The following EIF4G3 variants were observed in gnomAD, a reference collection of about 807,000 sequenced individuals.
The protein encoded by EIF4G3 is eukaryotic translation initiation factor 4 gamma 3, also known as eIF-4-gamma 3.
Under a neutral mutation model 186.4 loss-of-function variants are expected in EIF4G3, and 34 were observed. That is an observed-to-expected ratio of 0.18 (90% CI 0.14 to 0.24). The LOEUF is 0.24. Ranked by LOEUF, EIF4G3 falls within the 10% of genes least tolerant of loss-of-function variation. The pLI is 1.00. For synonymous variants in EIF4G3, 673 were observed against 679.5 expected (o/e 0.99, Z 0.15); for missense variants, 1,536 against 1,948.5 (o/e 0.79, Z 3.99).
chr1:20,974,111 A>C (rs1161491435), intron 10 of EIF4G3, among the ~76,000 whole-genome samples: 1 of 152,208 alleles, frequency 6.6e-6, no homozygotes, highest in African/African-American at 2.4e-5. Flanking sequence ...TCAAGAGTTC[A>C]GTTTTAGACA....
At chr1:20,990,395 C>A (rs746847875) in intron 7 of EIF4G3, among the ~76,000 whole-genome samples, 5 of 152,124 alleles carry the variant, frequency 3.3e-5, no homozygotes, top group Non-Finnish European at 7.4e-5. Flanking sequence ...TAATTACCAG[C>A]CGGGTGCGGT....
chr1:20,879,845 T>C (rs2081829874), intron 19 of EIF4G3, among the ~76,000 whole-genome samples: 1 of 152,146 alleles, frequency 6.6e-6, no homozygotes, highest in Non-Finnish European at 1.5e-5. Context: ...AACCAGTAAT[T>C]ACACTTTTAG....
At chr1:20,846,525 T>C (rs1295777449) in intron 29 of EIF4G3, among the ~76,000 whole-genome samples, 1 of 152,216 alleles carries the variant, frequency 6.6e-6, no homozygotes, top group African/African-American at 2.4e-5. Context: ...TCACATAATT[T>C]TAGTTTTTGG....
At chr1:20,877,984 C>A (rs1158297782) in intron 20 of EIF4G3, among the ~76,000 whole-genome samples, 3 of 152,158 alleles carry the variant, frequency 2.0e-5, no homozygotes, top group African/African-American at 7.2e-5. Flanking sequence ...GCTGGGATTA[C>A]AGGCGCACGC....
chr1:21,130,394 T>A (rs1573004119), intron 2 of EIF4G3, among the ~76,000 whole-genome samples: 1 of 151,692 alleles, frequency 6.6e-6, no homozygotes, highest in Non-Finnish European at 1.5e-5. Context: ...TCAGCTAATT[T>A]TTTTGTGTTT....
chr1:20,856,177 A>T (rs2074846173), intron 25 of EIF4G3, among the ~76,000 whole-genome samples: 1 of 152,222 alleles, frequency 6.6e-6, no homozygotes, highest in Non-Finnish European at 1.5e-5. Context: ...ATCCTAGCTA[A>T]TTACATTATT....
At position 21,106,145 on chromosome 1, in the gene EIF4G3, G is replaced by C. The variant is rs1023369076; in HGVS notation, c.-271-16932C>G. Among the ~76,000 whole-genome samples the C allele has an allele frequency of 3.9e-4, 59 of 151,190 alleles. 1 individual carries two copies. The highest frequency in any genetic ancestry group is 1.4e-3 in the African/African-American group (59 of 41,126). On this transcript the variant is annotated intron_variant, in intron 2 of 36. Coordinates refer to ENST00000602326, the MANE Select transcript of EIF4G3 (RefSeq NM_001391906.1). ...TTAGAGTTTGGAAATTTAAGCAGAA[G>C]CTACATCACTGAGAGGCTTGTAGGG...
intron 2 of EIF4G3, among the ~76,000 whole-genome samples, chr1:21,169,990 C>T (rs2097923538): frequency 1.3e-5 from 2 of 151,960 alleles, no homozygotes; most frequent in Admixed American, 6.6e-5. Context: ...TCTTGACCAA[C>T]ATGGTGAAAC....
chr1:21,048,643 G>T (rs1571663782), intron 4 of EIF4G3, among the ~76,000 whole-genome samples: 1 of 152,104 alleles, frequency 6.6e-6, no homozygotes. Context: ...AGGAAGACAC[G>T]CAGCACAGTG....
At chr1:21,078,734 C>T (rs1224299644) in intron 3 of EIF4G3, among the ~76,000 whole-genome samples, 1 of 152,176 alleles carries the variant, frequency 6.6e-6, no homozygotes, top group Non-Finnish European at 1.5e-5. Flanking sequence ...CCTGTAATCC[C>T]AACACTTTGG....
intron 3 of EIF4G3, among the ~76,000 whole-genome samples, chr1:21,081,107 T>G (rs1483030424): frequency 6.6e-6 from 1 of 152,206 alleles, no homozygotes; most frequent in Non-Finnish European, 1.5e-5. Context: ...CTCCCCCATT[T>G]AACATATGCA....
chr1:20,951,017 A>G (rs1037873300), intron 12 of EIF4G3, among the ~76,000 whole-genome samples: 16 of 152,026 alleles, frequency 1.1e-4, no homozygotes, highest in African/African-American at 3.9e-4. Context: ...CCTACAACGA[A>G]TTCTATCAGT....
intron 12 of EIF4G3, among the ~76,000 whole-genome samples, chr1:20,952,975 T>C (rs1346563025): frequency 2.0e-5 from 3 of 152,140 alleles, no homozygotes; most frequent in Non-Finnish European, 2.9e-5. Context: ...TCAGGAAACA[T>C]ACCAAGTACT....
chr1:21,045,098 T>C (rs945940812), intron 4 of EIF4G3, among the ~76,000 whole-genome samples: 3 of 152,032 alleles, frequency 2.0e-5, no homozygotes, highest in African/African-American at 7.2e-5. Context: ...CCAGCCTGGG[T>C]GACAGAGTGA....
intron 3 of EIF4G3, among the ~76,000 whole-genome samples, chr1:21,072,473 G>A (rs1177056839): frequency 6.6e-6 from 1 of 151,912 alleles, no homozygotes; most frequent in African/African-American, 2.4e-5. Context: ...GTGCTATCTC[G>A]GCTCACTGCA....
intron 2 of EIF4G3, among the ~76,000 whole-genome samples, chr1:21,117,511 A>G (rs1320640687): frequency 6.6e-6 from 1 of 151,974 alleles, no homozygotes; most frequent in African/African-American, 2.4e-5. Context: ...AAAAAACTGA[A>G]TTTTTCTTTT....
intron 2 of EIF4G3, among the ~76,000 whole-genome samples, chr1:21,138,047 T>C (rs528565143): frequency 1.1e-4 from 17 of 152,300 alleles, no homozygotes; most frequent in Admixed American, 7.8e-4. Flanking sequence ...TTAACTGATA[T>C]GGAGTAAAAC....
At chr1:21,164,174 T>C (rs758930387) in intron 2 of EIF4G3, among the ~76,000 whole-genome samples, 1 of 152,134 alleles carries the variant, frequency 6.6e-6, no homozygotes, top group African/African-American at 2.4e-5. Flanking sequence ...ACTAACACTA[T>C]GCAAAATCCA....
chr1:20,982,393 T>G lies in EIF4G3; in HGVS notation c.193A>C (p.Ile65Leu). 1 of 1,526,256 alleles carries G rather than the reference T, an allele frequency of 6.6e-7. No individual in the cohort carries two copies. Among genetic ancestry groups the G allele is most frequent in the East Asian group, 2.5e-5 (1 of 40,082 alleles). 94.5% of individuals were successfully genotyped at this position (1,526,256 alleles called of 1,614,324 possible). Residue 65 changes from isoleucine (I) to leucine (L), a missense_variant, in exon 8 of 37, where the codon ATC becomes CTC. Physicochemically the swap from Ile to Leu is conservative, Grantham distance 5. Coordinates refer to ENST00000602326, the MANE Select transcript of EIF4G3 (RefSeq NM_001391906.1). ...CAGAACCAGTAGTTTGTTACCTGGA[T>G]AGGTCTGAATCCTCCCTTCAAATAT... Reference protein sequence around the residue: ...PPHHQGGFRPIQFFQRPQIQP... With the variant: ...PPHHQGGFRPLQFFQRPQIQP...
Sources: allele counts gnomAD v4.1 joint callset (sites outside exome capture counted in the v4.1 genomes callset), GRCh38; gene constraint gnomAD v4.1.1; transcripts MANE v1.5; gene names NCBI Gene and HGNC (gene_info 2026-07-23, HGNC 2026-07-21).